DMD: variants seen among roughly 807,000 people sequenced by gnomAD.
The protein encoded by DMD is mutant dystrophin.
Under a neutral mutation model 330.1 loss-of-function variants are expected in DMD, and 63 were observed. That is an observed-to-expected ratio of 0.19 (90% CI 0.16 to 0.24). The LOEUF is 0.24. Ranked by LOEUF, DMD falls within the 10% of genes least tolerant of loss-of-function variation. The pLI is 1.00. For missense variants in DMD, 3,344 were observed against 2,684.1 expected (o/e 1.25, Z -5.43); for synonymous variants, 1,223 against 959.8 (o/e 1.27, Z -5.07).
chrX:31,983,418 T>C (rs934878742), intron 44 of DMD, among the ~76,000 whole-genome samples: 1 of 111,799 alleles, frequency 8.9e-6, no homozygotes, highest in Non-Finnish European at 1.9e-5. Context: ...TCAATAAAAC[T>C]TAAAACTGAA....
intron 55 of DMD, among the ~76,000 whole-genome samples, chrX:31,590,930 C>T (rs1203435450): frequency 9.0e-6 from 1 of 111,229 alleles, no homozygotes; most frequent in East Asian, 2.8e-4. Context: ...AGTGAAGGGC[C>T]GGAAGTTCTT....
intron 3 of DMD, among the ~76,000 whole-genome samples, chrX:32,845,859 T>A (rs2080609518): frequency 8.9e-6 from 1 of 112,285 alleles, no homozygotes; most frequent in Admixed American, 9.4e-5. Flanking sequence ...GCAAGAGGCA[T>A]ACACAAGTTA....
At chrX:33,222,467 C>G (rs1364037656) in intron 1 of DMD, among the ~76,000 whole-genome samples, 1 of 112,128 alleles carries the variant, frequency 8.9e-6, no homozygotes, top group African/African-American at 3.2e-5. Flanking sequence ...AAATGCTTTC[C>G]CCTTAATATT....
intron 1 of DMD, among the ~76,000 whole-genome samples, chrX:33,217,873 T>C (rs1245496329): frequency 1.8e-5 from 2 of 111,351 alleles, no homozygotes; most frequent in Non-Finnish European, 3.8e-5. Context: ...CATCATAACA[T>C]CTGCAAATGG....
At chrX:31,414,984 T>A in intron 60 of DMD, among the ~76,000 whole-genome samples, 1 of 112,591 alleles carries the variant, frequency 8.9e-6, no homozygotes, top group Non-Finnish European at 1.9e-5. Flanking sequence ...AGGCACAAGG[T>A]GTACTCTAGT....
intron 61 of DMD, chrX:31,348,204 C>T (rs1339284607): frequency 1.3e-5 from 3 of 234,496 alleles, no homozygotes; most frequent in Non-Finnish European, 2.3e-5. Context: ...GCTTCAGCAG[C>T]CCATATACTA....
chrX:33,125,573 A>G (rs1427878695), intron 1 of DMD, among the ~76,000 whole-genome samples: 1 of 112,047 alleles, frequency 8.9e-6, no homozygotes, highest in Non-Finnish European at 1.9e-5. Flanking sequence ...TTACTAAAAG[A>G]AAGTGACTAC....
chrX:33,138,259 AT>A (rs934742613), intron 1 of DMD, among the ~76,000 whole-genome samples: 4 of 111,881 alleles, frequency 3.6e-5, no homozygotes, highest in East Asian at 2.8e-4. Flanking sequence ...TTAACTGAAT[AT>A]TTTTTTAATG....
At chrX:33,051,212 C>CT (rs60096455) in intron 1 of DMD, among the ~76,000 whole-genome samples, 11,392 of 89,972 alleles carry the variant, frequency 0.13, 749 homozygotes, top group East Asian at 0.37. Flanking sequence ...ACTGACTTTT[C>CT]TTTTTTTTTT....
At chrX:31,129,089 C>A (rs1408943199) in intron 77 of DMD, among the ~76,000 whole-genome samples, 2 of 111,052 alleles carry the variant, frequency 1.8e-5, no homozygotes, top group Non-Finnish European at 3.8e-5. Context: ...TGTGCTGGGG[C>A]AGTCCTGAGT....
At chrX:31,984,455 C>T (rs2095496780) in intron 44 of DMD, among the ~76,000 whole-genome samples, 2 of 112,096 alleles carry the variant, frequency 1.8e-5, no homozygotes, top group South Asian at 7.3e-4. Flanking sequence ...TTTTGATACA[C>T]GAAGGTGAAT....
chrX:31,806,394 A>G (rs961832862), intron 50 of DMD, among the ~76,000 whole-genome samples: 12 of 112,253 alleles, frequency 1.1e-4, no homozygotes, highest in African/African-American at 3.6e-4. Context: ...AGTTTCCTCA[A>G]CTGCGGGAAT....
chrX:32,977,979 G>A (rs5928130), intron 2 of DMD, among the ~76,000 whole-genome samples: 45,263 of 110,745 alleles, frequency 0.41, 6,600 homozygotes, highest in East Asian at 0.47. Context: ...AACTTGAGAG[G>A]AAATACCGAG....
chrX:31,905,219 T>C (rs1331527689), intron 47 of DMD, among the ~76,000 whole-genome samples: 2 of 111,602 alleles, frequency 1.8e-5, no homozygotes, highest in Non-Finnish European at 3.8e-5. Flanking sequence ...TTTAGCACCT[T>C]GCATTTAAAA....
intron 1 of DMD, among the ~76,000 whole-genome samples, chrX:33,245,314 G>A (rs1273060487): frequency 2.7e-5 from 3 of 109,435 alleles, no homozygotes; most frequent in Non-Finnish European, 3.8e-5. Flanking sequence ...ATCACTACCC[G>A]AAATATCATT....
At position 32,641,407 on chromosome X, in the gene DMD, C is replaced by CATATATATATATATATAT. The variant is rs1569366795; in HGVS notation, c.1331+2724_1331+2725insATATATATATATATATAT. On this transcript the variant is annotated intron_variant, in intron 11 of 78. Transcript: ENST00000357033. ...TAGAGAGATATATGTGTATTTTATA[C>CATATATATATATATATAT]GTATATATATATATATATATATATA... 6.0e-4 allele frequency: 38 copies of CATATATATATATATATAT among 63,190 alleles called. 1 individual carries two copies. The highest frequency in any genetic ancestry group is 3.7e-3 in the South Asian group (3 of 804). 5.2% of individuals were successfully genotyped at this position (63,190 alleles called of 1,213,427 possible). A position where few individuals can be genotyped will look rare whatever the true frequency, so the allele number is the denominator to read the frequency against.
At chrX:31,691,449 G>A (rs970165540) in intron 52 of DMD, among the ~76,000 whole-genome samples, 2 of 111,426 alleles carry the variant, frequency 1.8e-5, no homozygotes, top group African/African-American at 6.5e-5. Flanking sequence ...TATTTTGAAT[G>A]TAAATAGATT....
intron 2 of DMD, among the ~76,000 whole-genome samples, chrX:32,962,444 T>A (rs1035469371): frequency 1.8e-5 from 2 of 111,874 alleles, no homozygotes; most frequent in African/African-American, 6.5e-5. Context: ...TTAATCAGCA[T>A]TGGTTGAGCA....
At chrX:32,842,402 A>T (rs1381680793) in intron 4 of DMD, among the ~76,000 whole-genome samples, 4 of 112,174 alleles carry the variant, frequency 3.6e-5, no homozygotes, top group Non-Finnish European at 7.5e-5. Flanking sequence ...TAGTGTAAAC[A>T]AACAAACAAA....
Sources: gnomAD v4.1 joint callset for allele counts (sites outside exome capture counted in the v4.1 genomes callset) on GRCh38, gnomAD v4.1.1 for gene constraint, MANE v1.5 for transcripts, NCBI Gene and HGNC (gene_info 2026-07-23, HGNC 2026-07-21) for gene names.